Variants in SRRM2 observed in about 807,000 individuals in gnomAD.
SRRM2 encodes the protein serine/arginine repetitive matrix 2.
In SRRM2, 30 loss-of-function variants were observed where a neutral mutation model predicts 213.8. The ratio of observed to expected loss-of-function variants is 0.14; its 90% CI spans 0.10 to 0.19. The LOEUF (loss-of-function observed/expected upper bound fraction) is 0.19. Ranked by LOEUF, SRRM2 falls within the 10% of genes least tolerant of loss-of-function variation. The pLI is 1.00. For synonymous variants in SRRM2, 2,025 were observed against 1,377.7 expected (o/e 1.47, Z -10.40); for missense variants, 4,904 against 3,647.0 (o/e 1.34, Z -8.88).
Position 2,770,999 on chromosome 16 carries a change from C to G in SRRM2, c.*132C>G, listed in dbSNP as rs780243592. The stretch of plus-strand genomic sequence containing the variant: ...CTTGGCAGCCCTTGGATGGAGGGCT[C>G]CCTTTCCCTCCCCTTTTTTTTTTCT... On this transcript the variant is annotated 3_prime_UTR_variant, in exon 15 of 15. Coordinates refer to ENST00000301740, the MANE Select transcript of SRRM2 (RefSeq NM_016333.4). 1 of 1,002,346 alleles carries G rather than the reference C, an allele frequency of 1.0e-6. No homozygotes were observed. Among genetic ancestry groups the G allele is most frequent in the African/African-American group, 1.6e-5 (1 of 60,754 alleles). 62.1% of individuals were successfully genotyped at this position (1,002,346 alleles called of 1,614,324 possible).
chr16:2,756,908 C>T (rs1463640212), intron 2 of SRRM2, among the ~76,000 whole-genome samples: 1 of 151,784 alleles, frequency 6.6e-6, no homozygotes, highest in Non-Finnish European at 1.5e-5. Context: ...AAAGCAGAGA[C>T]CAGGTAGAGG....
chr16:2,764,830 T>G lies in SRRM2; in HGVS notation c.4302T>G (p.Thr1434=). The change falls in exon 11 of 15, where the codon ACT becomes ACG. Residue 1434 remains threonine, a synonymous_variant. Coordinates refer to ENST00000301740, the MANE Select transcript of SRRM2 (RefSeq NM_016333.4). ...SPEMKDGLPR[T]PSRRSRSGSS... is the part of the protein sequence containing the mutation. ...AAATGAAAGATGGTTTACCCAGAAC[T>G]CCATCAAGGAGAAGCAGGTCTGGGT... 6.2e-7 allele frequency: 1 copy of G among 1,614,170 alleles called. No individual in the cohort carries two copies. The highest frequency in any genetic ancestry group is 8.5e-7 in the Non-Finnish European group (1 of 1,180,026).
Position 2,764,848 on chromosome 16 carries a change from G to A in SRRM2, c.4320G>A (p.Arg1440=). Residue 1440 remains arginine, a synonymous_variant, in exon 11 of 15, where the codon AGG becomes AGA. Transcript: ENST00000301740. ...GLPRTPSRRS[R]SGSSPGLRDG... is the part of the protein sequence containing the mutation. ...CCAGAACTCCATCAAGGAGAAGCAG[G>A]TCTGGGTCTTCTCCAGGACTTAGAG... The A allele has an allele frequency of 1.2e-6, 2 of 1,614,214 alleles. No individual in the cohort carries two copies. The highest frequency in any genetic ancestry group is 1.7e-6 in the Non-Finnish European group (2 of 1,180,038).
At position 2,771,286 on chromosome 16, in the gene SRRM2, A is replaced by C; in HGVS notation, c.*419A>C. Reference sequence around the variant, plus strand: ...CAGGAGTTGGAATTAGTTGGTCCCTACTGTCCCCCATGAGGTTGTGAACCC... The same window carrying C: ...CAGGAGTTGGAATTAGTTGGTCCCTCCTGTCCCCCATGAGGTTGTGAACCC... On this transcript the variant is annotated 3_prime_UTR_variant, in exon 15 of 15. Coordinates refer to ENST00000301740, the MANE Select transcript of SRRM2 (RefSeq NM_016333.4). 1 of 901,600 alleles carries C rather than the reference A, an allele frequency of 1.1e-6. No individual in the cohort carries two copies. The highest frequency in any genetic ancestry group is 1.8e-6 in the Non-Finnish European group (1 of 557,694). The allele number at this position is 901,600 out of a possible 1,614,324, so 55.9% of individuals were successfully genotyped here. A position where few individuals can be genotyped will look rare whatever the true frequency, so the allele number is the denominator to read the frequency against.
In SRRM2 at chr16:2,767,328, C is replaced by T; in HGVS notation, c.6800C>T (p.Ala2267Val). 1.2e-6 allele frequency: 2 copies of T among 1,613,906 alleles called. No individual in the cohort carries two copies. The highest frequency in any genetic ancestry group is 1.7e-6 in the Non-Finnish European group (2 of 1,180,048). The change falls in exon 11 of 15, where the codon GCC becomes GTC. Residue 2267 changes from alanine to valine, a missense_variant. Transcript: ENST00000301740. ...TCTCGAACGCCAGCTGCAGCAGCGG[C>T]CATGAACTTGGCCAGCCCCAGAACA... Reference protein sequence around the residue: ...ADSRTPAAAAAMNLASPRTAV... With the variant: ...ADSRTPAAAAVMNLASPRTAV...
chr16:2,770,870 T>A lies in SRRM2; in HGVS notation c.*3T>A, dbSNP rs755966286. The A allele has an allele frequency of 1.2e-6, 2 of 1,613,900 alleles. No homozygotes were observed. Among genetic ancestry groups the A allele is most frequent in the Non-Finnish European group, 1.7e-6 (2 of 1,179,976 alleles). On this transcript the variant is annotated 3_prime_UTR_variant, in exon 15 of 15. Transcript: ENST00000301740. ...TCTTCTCTTGCAGGTCTCCATAAAT[T>A]GTCTTTGGGGGATTCCACCACACCC...
chr16:2,766,491 C>T lies in SRRM2; in HGVS notation c.5963C>T (p.Pro1988Leu), dbSNP rs529992862. ...AGAAGATCAAGATCCAGAACATCTC[C>T]GGTCACCCGAAGGAGATCTCGATCT... The part of the protein sequence containing the change: ...TRRRSRSRTS[P>L]VTRRRSRSRT... Residue 1988 changes from proline (P) to leucine (L), a missense_variant, in exon 11 of 15, where the codon CCG (proline) becomes CTG (leucine). Transcript: ENST00000301740. The surrounding 1 kb of genome is among the most constrained non-coding windows in gnomAD (Gnocchi z 7.0). The T allele has an allele frequency of 9.9e-6, 16 of 1,614,144 alleles. No homozygotes were observed. The highest frequency in any genetic ancestry group is 6.7e-5 in the East Asian group (3 of 44,882).
chr16:2,765,917 A>G lies in SRRM2; in HGVS notation c.5389A>G (p.Thr1797Ala). ...RRDRSGSSQS[T>A]SRRRQRSRSR... ...AGATAGGTCTGGATCTTCTCAGTCA[A>G]CCTCTCGGCGAAGACAGCGGAGCCG... Residue 1797 changes from threonine (T) to alanine (A), a missense_variant, in exon 11 of 15, where the codon ACC becomes GCC. Transcript: ENST00000301740. The G allele has an allele frequency of 6.2e-7, 1 of 1,613,930 alleles. No individual in the cohort carries two copies. Among genetic ancestry groups the G allele is most frequent in the Non-Finnish European group, 8.5e-7 (1 of 1,179,984 alleles).
Position 2,761,770 on chromosome 16 carries a change from G to A in SRRM2, c.1242G>A (p.Gln414=). ...CTAAGTCTCCCGAGAAACTTCCCCA[G>A]TCTTCTTCCTCAGAGAGCAGCCCAC... ...SPPKSPEKLP[Q]SSSSESSPPS... is the part of the protein sequence containing the mutation. The change falls in exon 11 of 15, where the codon CAG becomes CAA. Residue 414 remains glutamine (Q), a synonymous_variant. Transcript: ENST00000301740. 1.9e-6 allele frequency: 3 copies of A among 1,613,464 alleles called. No homozygotes were observed. The highest frequency in any genetic ancestry group is 2.5e-6 in the Non-Finnish European group (3 of 1,179,770).
At position 2,766,180 on chromosome 16, in the gene SRRM2, C is replaced by G; in HGVS notation, c.5652C>G (p.Ser1884Arg). The change falls in exon 11 of 15, where the codon AGC (serine) becomes AGG (arginine). Residue 1884 changes from serine (S) to arginine (R), a missense_variant. Coordinates refer to ENST00000301740, the MANE Select transcript of SRRM2 (RefSeq NM_016333.4). The surrounding 1 kb of genome is among the most constrained non-coding windows in gnomAD (Gnocchi z 7.0). ...CCAGGTCCAGAACCCCCCTGATAAG[C>G]CGACGTAGGTCCAGATCTCGAACTT... ...RRSRSRTPLI[S>R]RRRSRSRTSP... The G allele has an allele frequency of 6.2e-7, 1 of 1,614,186 alleles. No homozygotes were observed. The highest frequency in any genetic ancestry group is 2.2e-5 in the East Asian group (1 of 44,874).
chr16:2,767,132 G>T lies in SRRM2; in HGVS notation c.6604G>T (p.Ala2202Ser). The change falls in exon 11 of 15, where the codon GCT becomes TCT. Residue 2202 changes from alanine to serine, a missense_variant. Coordinates refer to ENST00000301740, the MANE Select transcript of SRRM2 (RefSeq NM_016333.4). ...TARPPPSMSAAGLAARMSQVP... is the reference protein window; with the variant it reads ...TARPPPSMSASGLAARMSQVP... Reference sequence around the variant, plus strand: ...TCGGCCTCCTCCGTCCATGTCTGCTGCTGGCCTTGCTGCAAGAATGTCCCA... The same window carrying T: ...TCGGCCTCCTCCGTCCATGTCTGCTTCTGGCCTTGCTGCAAGAATGTCCCA... 6.2e-7 allele frequency: 1 copy of T among 1,614,174 alleles called. No individual in the cohort carries two copies. Among genetic ancestry groups the T allele is most frequent in the Non-Finnish European group, 8.5e-7 (1 of 1,180,028 alleles).
Position 2,763,870 on chromosome 16 carries a change from A to G in SRRM2, c.3342A>G (p.Ile1114Met). 1 of 1,614,196 alleles carries G rather than the reference A, an allele frequency of 6.2e-7. No individual in the cohort carries two copies. The highest frequency in any genetic ancestry group is 1.3e-5 in the African/African-American group (1 of 75,048). The change falls in exon 11 of 15, where the codon ATA becomes ATG. Residue 1114 changes from isoleucine to methionine, a missense_variant. Coordinates refer to ENST00000301740, the MANE Select transcript of SRRM2 (RefSeq NM_016333.4). ...PVTELASRSPIRQDRGEFSAS... is the reference protein window; with the variant it reads ...PVTELASRSPMRQDRGEFSAS... ...CTGAGCTGGCATCCAGATCTCCAAT[A>G]AGACAAGATAGAGGTGAGTTCTCAG...
In SRRM2 at chr16:2,764,935, A is replaced by G; in HGVS notation, c.4407A>G (p.Ile1469Met). The change falls in exon 11 of 15, where the codon ATA (isoleucine) becomes ATG (methionine). Residue 1469 changes from isoleucine to methionine, a missense_variant. By Grantham distance (10) the Ile-to-Met change is conservative (BLOSUM62 1). Coordinates refer to ENST00000301740, the MANE Select transcript of SRRM2 (RefSeq NM_016333.4). ...LSGSSPGMKDIPRTPSRGRSE... is the reference protein window; with the variant it reads ...LSGSSPGMKDMPRTPSRGRSE... ...GGTCCTCTCCTGGAATGAAAGATAT[A>G]CCTAGAACGCCATCTAGAGGGAGAA... 3 of 1,614,112 alleles carry G rather than the reference A, an allele frequency of 1.9e-6. No homozygotes were observed. The highest frequency in any genetic ancestry group is 2.2e-5 in the East Asian group (1 of 44,880).
At position 2,769,159 on chromosome 16, in the gene SRRM2, C is replaced by CTCT; in HGVS notation, c.7908_7910dup (p.Ser2648dup). The stretch of plus-strand genomic sequence containing the variant: ...CCTCCTCTTCTTCCTCCTCCTCTTC[C>CTCT]TCTTCTTCTTCTTCCTCCTCATCTT... On this transcript the variant is annotated inframe_insertion, in exon 12 of 15. Coordinates refer to ENST00000301740, the MANE Select transcript of SRRM2 (RefSeq NM_016333.4). 2 of 1,610,230 alleles carry CTCT rather than the reference C, an allele frequency of 1.2e-6. No homozygotes were observed. The highest frequency in any genetic ancestry group is 1.7e-5 in the Admixed American group (1 of 59,966).
chr16:2,754,565 C>A (rs1326961564), intron 1 of SRRM2, among the ~76,000 whole-genome samples: 1 of 152,180 alleles, frequency 6.6e-6, no homozygotes, highest in African/African-American at 2.4e-5. Flanking sequence ...GCAGGTGTTA[C>A]AGGCGTGAGC....
Position 2,764,042 on chromosome 16 carries a change from C to G in SRRM2, c.3514C>G (p.Pro1172Ala). The G allele has an allele frequency of 2.5e-6, 4 of 1,614,156 alleles. No homozygotes were observed. The highest frequency in any genetic ancestry group is 2.7e-5 in the African/African-American group (2 of 75,044). Residue 1172 changes from proline to alanine, a missense_variant, in exon 11 of 15, where the codon CCT (proline) becomes GCT (alanine). By Grantham distance (27) the Pro-to-Ala change is conservative (BLOSUM62 -1). Transcript: ENST00000301740. ...AESKEKMALPPQEDATASPPR... is the reference protein window; with the variant it reads ...AESKEKMALPAQEDATASPPR... ...ATCAAAAGAGAAAATGGCCTTACCCCCTCAGGAGGATGCTACTGCATCACC... is the reference window on the plus strand; with the variant it reads ...ATCAAAAGAGAAAATGGCCTTACCCGCTCAGGAGGATGCTACTGCATCACC...
In SRRM2 at chr16:2,765,379, T is replaced by G. The variant is rs2068503219; in HGVS notation, c.4851T>G (p.Gly1617=). The change falls in exon 11 of 15, where the codon GGT becomes GGG. Residue 1617 remains glycine (G), a synonymous_variant. Transcript: ENST00000301740. Reference sequence around the variant, plus strand: ...GAGCAGCACCCAGGGCACAGAGTGGTTCTGATTCCTCTCCTGAACCTAAAG... The same window carrying G: ...GAGCAGCACCCAGGGCACAGAGTGGGTCTGATTCCTCTCCTGAACCTAAAG... ...KPRAAPRAQS[G]SDSSPEPKAP... The G allele has an allele frequency of 1.9e-6, 3 of 1,614,138 alleles. No individual in the cohort carries two copies. In the East Asian group the frequency reaches 6.7e-5, roughly 36 times the overall value.
In SRRM2 at chr16:2,770,573, C is replaced by A. The variant is rs566288195; in HGVS notation, c.8136-31C>A. The A allele has an allele frequency of 3.2e-6, 5 of 1,551,564 alleles. No homozygotes were observed. The Admixed American group carries it at 9.8e-5, about 30-fold the overall frequency. ...TATGTGGTGCCTGAGGTGGTGCCAC[C>A]CTGTGGCCTGATGTCTGTCCTGTGT... On this transcript the variant is annotated intron_variant, in intron 13 of 14. Transcript: ENST00000301740.
At chr16:2,761,010 A>G (rs1441995294) in intron 10 of SRRM2, among the ~76,000 whole-genome samples, 2 of 152,240 alleles carry the variant, frequency 1.3e-5, no homozygotes, top group Admixed American at 1.3e-4. Flanking sequence ...ATCCAGGGTT[A>G]CCTTTCCAAA....
Sources: allele counts gnomAD v4.1 joint callset (sites outside exome capture counted in the v4.1 genomes callset), GRCh38; gene constraint gnomAD v4.1.1; non-coding constraint Gnocchi (gnomAD v3.1); transcripts MANE v1.5; gene names NCBI Gene and HGNC (gene_info 2026-07-23, HGNC 2026-07-21).